SEZ6L: variants seen among roughly 807,000 people sequenced by gnomAD.
The protein encoded by SEZ6L is seizure 6-like protein.
A neutral mutation model predicts 106.2 loss-of-function variants in SEZ6L; 37 were observed. The ratio of observed to expected loss-of-function variants is 0.35; its 90% CI spans 0.27 to 0.46. SEZ6L has a LOEUF of 0.46. Among genes scored for constraint, SEZ6L ranks in the 20% least tolerant of loss-of-function variants. SEZ6L has a pLI of 1.00. For missense variants in SEZ6L, 1,172 were observed against 1,332.8 expected, an observed-to-expected ratio of 0.88 and a Z score of 1.88; for synonymous variants, 541 against 570.4, an observed-to-expected ratio of 0.95 and a Z score of 0.73.
At chr22:26,246,316 G>A (rs544979926) in intron 1 of SEZ6L, among the ~76,000 whole-genome samples, 2 of 152,074 alleles carry the variant, frequency 1.3e-5, no homozygotes, top group African/African-American at 2.4e-5. Context: ...AGTCCACATC[G>A]TATTACTAAC....
intron 1 of SEZ6L, among the ~76,000 whole-genome samples, chr22:26,280,209 A>C (rs2080716287): frequency 6.6e-6 from 1 of 152,008 alleles, no homozygotes; most frequent in Non-Finnish European, 1.5e-5. Flanking sequence ...ATTATTTTTC[A>C]ATTTGTTACA....
intron 1 of SEZ6L, among the ~76,000 whole-genome samples, chr22:26,185,211 T>A (rs1369946430): frequency 1.3e-5 from 2 of 152,226 alleles, no homozygotes; most frequent in Non-Finnish European, 2.9e-5. Flanking sequence ...TCTGAGAGCA[T>A]CTAGAATCTC....
chr22:26,363,687 A>T (rs2083711520), intron 12 of SEZ6L, among the ~76,000 whole-genome samples: 1 of 152,238 alleles, frequency 6.6e-6, no homozygotes, highest in African/African-American at 2.4e-5. Flanking sequence ...TGTGGGTCAG[A>T]AATCTGGGCA....
chr22:26,348,703 A>AAGAAAGGAAGGAAGG (rs2083149485), intron 11 of SEZ6L, among the ~76,000 whole-genome samples: 3 of 41,484 alleles, frequency 7.2e-5, no homozygotes, highest in African/African-American at 3.4e-4. Flanking sequence ...AGAAAGAAAG[A>AAGAAAGGAAGGAAGG]AGGCAAGGGA....
At chr22:26,313,174 C>T (rs1015028593) in intron 8 of SEZ6L, among the ~76,000 whole-genome samples, 1 of 152,208 alleles carries the variant, frequency 6.6e-6, no homozygotes, top group Admixed American at 6.5e-5. Flanking sequence ...CGGGACCTGT[C>T]ATAGCAACAT....
At chr22:26,178,675 C>T (rs112914209) in intron 1 of SEZ6L, among the ~76,000 whole-genome samples, 137 of 152,244 alleles carry the variant, frequency 9.0e-4, no homozygotes, top group African/African-American at 3.2e-3. Context: ...GGTGAGTTCA[C>T]ATTGCCAAAA....
intron 13 of SEZ6L, among the ~76,000 whole-genome samples, chr22:26,366,244 GA>G (rs1280170723): frequency 6.6e-6 from 1 of 152,192 alleles, no homozygotes; most frequent in Non-Finnish European, 1.5e-5. Context: ...TGAGGCAAGA[GA>G]ATCACTTGAA....
At chr22:26,215,329 A>G (rs2078270670) in intron 1 of SEZ6L, among the ~76,000 whole-genome samples, 1 of 152,106 alleles carries the variant, frequency 6.6e-6, no homozygotes, top group Non-Finnish European at 1.5e-5. Context: ...TCACCCAAAT[A>G]TTAAACATTT....
At chr22:26,315,641 G>C (rs1430519802) in intron 9 of SEZ6L, among the ~76,000 whole-genome samples, 1 of 152,052 alleles carries the variant, frequency 6.6e-6, no homozygotes, top group African/African-American at 2.4e-5. Context: ...GGGCTCACCT[G>C]TTCTCGCCTC....
chr22:26,348,683 AAAGAAAGAAAGAAAGAAAGAAGGC>A (rs2083138785), intron 11 of SEZ6L, among the ~76,000 whole-genome samples: 1 of 66,074 alleles, frequency 1.5e-5, no homozygotes, highest in Non-Finnish European at 2.9e-5. Context: ...AGAAAGAAAG[AAAGAAAGAAAGAAAGAAAGAAGGC>A]AAGGGAGGGA....
chr22:26,329,677 T>A (rs933009380), intron 9 of SEZ6L, among the ~76,000 whole-genome samples: 2 of 152,208 alleles, frequency 1.3e-5, no homozygotes, highest in Non-Finnish European at 2.9e-5. Context: ...GAGAGGTGCC[T>A]GGCAAGGTTG....
chr22:26,267,043 G>A (rs763999408), intron 1 of SEZ6L, among the ~76,000 whole-genome samples: 1 of 152,312 alleles, frequency 6.6e-6, no homozygotes, highest in East Asian at 1.9e-4. Flanking sequence ...AGAGGAAATC[G>A]TGTGTACAGA....
intron 13 of SEZ6L, among the ~76,000 whole-genome samples, chr22:26,366,134 C>T (rs1474726679): frequency 1.3e-5 from 2 of 152,076 alleles, no homozygotes; most frequent in African/African-American, 4.8e-5. Flanking sequence ...GAGTTCAAGA[C>T]CAGCCTGACC....
rs189479690 is a variant in SEZ6L at position 26,326,168 on chromosome 22, T to C, written c.2015+12266T>C. On this transcript the variant is annotated intron_variant, in intron 9 of 16. Coordinates refer to ENST00000248933, the MANE Select transcript of SEZ6L (RefSeq NM_021115.5). Reference sequence around the variant, plus strand: ...GCTCCTTGGCCACGCCACGCTCTTCTCGCCTTGGTGACTGCAAGAGCCTAC... The same window carrying C: ...GCTCCTTGGCCACGCCACGCTCTTCCCGCCTTGGTGACTGCAAGAGCCTAC... 7.9e-4 allele frequency among the ~76,000 whole-genome samples: 120 copies of C among 152,266 alleles called. 2 individuals carry two copies. Among genetic ancestry groups the C allele is most frequent in the South Asian group, 7.0e-3 (34 of 4,824 alleles).
intron 7 of SEZ6L, 35 bp downstream of exon 7, chr22:26,310,871 G>C (rs755112906): frequency 1.2e-6 from 2 of 1,603,488 alleles, no homozygotes; most frequent in South Asian, 2.2e-5. Flanking sequence ...TTCTCTTGTG[G>C]GGCTGGGGGT....
At chr22:26,234,797 C>T (rs2078908821) in intron 1 of SEZ6L, among the ~76,000 whole-genome samples, 1 of 152,212 alleles carries the variant, frequency 6.6e-6, no homozygotes, top group Non-Finnish European at 1.5e-5. Context: ...GGGACACAGC[C>T]ACATATACAA....
At chr22:26,188,500 A>G (rs936417889) in intron 1 of SEZ6L, among the ~76,000 whole-genome samples, 3 of 152,168 alleles carry the variant, frequency 2.0e-5, no homozygotes, top group African/African-American at 7.2e-5. Context: ...ATTCCAAGAG[A>G]GAGTGTCCTA....
intron 15 of SEZ6L, among the ~76,000 whole-genome samples, chr22:26,376,763 C>G (rs2146087193): frequency 6.6e-6 from 1 of 151,966 alleles, no homozygotes; most frequent in Admixed American, 6.6e-5. Context: ...ACAAAAGAAA[C>G]CTATGCAAAT....
chr22:26,266,029 G>GA (rs1279491750), intron 1 of SEZ6L, among the ~76,000 whole-genome samples: 2 of 152,160 alleles, frequency 1.3e-5, no homozygotes, highest in Non-Finnish European at 2.9e-5. Context: ...TGCCATCATG[G>GA]ACATGAGCTG....
Sources: gnomAD v4.1 joint callset for allele counts (sites outside exome capture counted in the v4.1 genomes callset) on GRCh38, gnomAD v4.1.1 for gene constraint, MANE v1.5 for transcripts, NCBI Gene and HGNC (gene_info 2026-07-23, HGNC 2026-07-21) for gene names.